The following ASIC2 variants were observed in gnomAD, a reference collection of about 807,000 sequenced individuals.
ASIC2 encodes acid sensing ion channel subunit 2.
ASIC2 carries 25 observed loss-of-function variants against 57.3 expected under a neutral mutation model. That is an observed-to-expected ratio of 0.44 (90% CI 0.32 to 0.61). The LOEUF is 0.61. Among genes scored for constraint, ASIC2 ranks in the 20% least tolerant of loss-of-function variants. The pLI, the probability that ASIC2 is intolerant of heterozygous loss-of-function variation, is 0.06. For synonymous variants in ASIC2, 319 were observed against 307.5 expected (o/e 1.04, Z -0.39); for missense variants, 641 against 738.1 (o/e 0.87, Z 1.52).
intron 1 of ASIC2, among the ~76,000 whole-genome samples, chr17:33,310,914 C>T (rs1319382062): frequency 6.6e-6 from 1 of 152,144 alleles, no homozygotes; most frequent in Non-Finnish European, 1.5e-5. Context: ...ATTTTTATCT[C>T]AGTATAATCT....
At chr17:33,023,763 G>T in intron 6 of ASIC2, 98 bp downstream of exon 6, 1 of 1,516,936 alleles carries the variant, frequency 6.6e-7, no homozygotes. Flanking sequence ...TTGCTAACTT[G>T]AACCAAATGC....
intron 1 of ASIC2, among the ~76,000 whole-genome samples, chr17:34,138,007 T>C (rs1410506450): frequency 6.6e-6 from 1 of 151,630 alleles, no homozygotes; most frequent in Non-Finnish European, 1.5e-5. Context: ...CCTTCTAGAG[T>C]CAAAGCCAGT....
chr17:34,135,373 GAGA>G (rs1912097845), intron 1 of ASIC2, among the ~76,000 whole-genome samples: 1 of 152,230 alleles, frequency 6.6e-6, no homozygotes, highest in African/African-American at 2.4e-5. Context: ...ATCTTCGTAG[GAGA>G]AGATCAGTCA....
chr17:34,137,873 C>A (rs185373153), intron 1 of ASIC2, among the ~76,000 whole-genome samples: 98 of 152,210 alleles, frequency 6.4e-4, no homozygotes, highest in Non-Finnish European at 1.2e-3. Flanking sequence ...GGCTTCACCC[C>A]CCATGACCTA....
At chr17:33,857,599 C>T (rs534573493) in intron 1 of ASIC2, among the ~76,000 whole-genome samples, 5 of 152,250 alleles carry the variant, frequency 3.3e-5, no homozygotes, top group African/African-American at 4.8e-5. Context: ...TCATTAAATC[C>T]GAACTCTTAT....
chr17:34,083,952 T>C (rs1909996508), intron 1 of ASIC2, among the ~76,000 whole-genome samples: 1 of 152,214 alleles, frequency 6.6e-6, no homozygotes, highest in African/African-American at 2.4e-5. Context: ...GTTGTGAAAA[T>C]TTTCTCCCAT....
At chr17:34,135,367 T>C (rs1451443143) in intron 1 of ASIC2, among the ~76,000 whole-genome samples, 1 of 152,228 alleles carries the variant, frequency 6.6e-6, no homozygotes, top group Non-Finnish European at 1.5e-5. Context: ...GCTAGCATCT[T>C]CGTAGGAGAA....
intron 1 of ASIC2, among the ~76,000 whole-genome samples, chr17:33,529,498 T>C (rs1023793582): frequency 3.3e-5 from 5 of 152,226 alleles, no homozygotes; most frequent in Non-Finnish European, 5.9e-5. Flanking sequence ...AAGTAGAATC[T>C]GCAAGACCCC....
chr17:33,117,134 A>G (rs1367934608), intron 1 of ASIC2, among the ~76,000 whole-genome samples: 1 of 152,020 alleles, frequency 6.6e-6, no homozygotes, highest in Non-Finnish European at 1.5e-5. Context: ...GATTACAGGC[A>G]TGAGCCACAG....
At chr17:33,865,772 C>CA (rs1156250944) in intron 1 of ASIC2, among the ~76,000 whole-genome samples, 2,680 of 74,044 alleles carry the variant, frequency 0.036, 50 homozygotes, top group African/African-American at 0.099. Flanking sequence ...AAAAAAAAAA[C>CA]AAAAAAAAAA....
At chr17:34,087,099 T>C (rs1910138872) in intron 1 of ASIC2, among the ~76,000 whole-genome samples, 1 of 152,170 alleles carries the variant, frequency 6.6e-6, no homozygotes, top group African/African-American at 2.4e-5. Flanking sequence ...TAGCTGGTTA[T>C]TTTGCTTGTT....
chr17:33,825,324 C>T lies in ASIC2; in HGVS notation c.555+330654G>A, dbSNP rs113208875. On this transcript the variant is annotated intron_variant, in intron 1 of 9. Coordinates refer to the ASIC2 transcript ENST00000359872. Reference sequence around the variant, plus strand: ...GACCAAAGCAATAGGGTGAATTTGGCGGTGGGGTGCTACCTAAAAAGGCAG... The same window carrying T: ...GACCAAAGCAATAGGGTGAATTTGGTGGTGGGGTGCTACCTAAAAAGGCAG... 9.0e-3 allele frequency among the ~76,000 whole-genome samples: 1,365 copies of T among 152,110 alleles called. 25 individuals carry two copies. Among genetic ancestry groups the T allele is most frequent in the African/African-American group, 0.031 (1,272 of 41,468 alleles).
intron 1 of ASIC2, among the ~76,000 whole-genome samples, chr17:33,258,135 A>G (rs1364986424): frequency 6.6e-6 from 1 of 152,214 alleles, no homozygotes; most frequent in Non-Finnish European, 1.5e-5. Flanking sequence ...ACGTGCATTC[A>G]TTAATTCATG....
At chr17:33,654,918 C>T (rs1907030748) in intron 1 of ASIC2, among the ~76,000 whole-genome samples, 2 of 152,116 alleles carry the variant, frequency 1.3e-5, no homozygotes, top group South Asian at 4.1e-4. Flanking sequence ...TCGCTTGAGA[C>T]CAGGAGTTTG....
chr17:34,039,885 C>A, intron 1 of ASIC2: 1 of 1,589,410 alleles, frequency 6.3e-7, no homozygotes, highest in Non-Finnish European at 8.6e-7. Context: ...CTACTGCCGC[C>A]GCCGCCGCTG....
At chr17:33,608,522 T>C (rs949060771) in intron 1 of ASIC2, among the ~76,000 whole-genome samples, 1 of 152,042 alleles carries the variant, frequency 6.6e-6, no homozygotes, top group Non-Finnish European at 1.5e-5. Context: ...AGCCTCCATA[T>C]CCTTATATGC....
chr17:33,382,350 G>A (rs1909517815), intron 1 of ASIC2, among the ~76,000 whole-genome samples: 1 of 152,128 alleles, frequency 6.6e-6, no homozygotes, highest in African/African-American at 2.4e-5. Context: ...GACCAAATTT[G>A]TTCTTTTCCA....
chr17:34,121,122 C>A (rs1911607229), intron 1 of ASIC2, among the ~76,000 whole-genome samples: 2 of 152,052 alleles, frequency 1.3e-5, no homozygotes. Flanking sequence ...TGGAGCGAGG[C>A]ATCTATAAGC....
At chr17:33,017,764 ACCTT>A (rs2091814688) in intron 7 of ASIC2, 80 bp from the exon 8 acceptor site, 1 of 1,361,326 alleles carries the variant, frequency 7.3e-7, no homozygotes, top group Non-Finnish European at 1.0e-6. Flanking sequence ...TGCAACCCAG[ACCTT>A]CTGAATGGCG....
Sources: gnomAD v4.1 joint callset for allele counts (sites outside exome capture counted in the v4.1 genomes callset) on GRCh38, gnomAD v4.1.1 for gene constraint, MANE v1.5 for transcripts, NCBI Gene and HGNC (gene_info 2026-07-23, HGNC 2026-07-21) for gene names.